The following FSTL4 variants were observed in gnomAD, a reference collection of about 807,000 sequenced individuals.
The protein encoded by FSTL4 is follistatin like 4.
FSTL4 carries 28 observed loss-of-function variants against 78.2 expected under a neutral mutation model. The ratio of observed to expected loss-of-function variants is 0.36; its 90% CI spans 0.27 to 0.49. The LOEUF (loss-of-function observed/expected upper bound fraction) is 0.49, where lower values mean the gene tolerates loss of function less well. Among genes scored for constraint, FSTL4 ranks in the 20% least tolerant of loss-of-function variants. The pLI is 0.98. For missense variants in FSTL4, 922 were observed against 1,084.9 expected (o/e 0.85, Z 2.11); for synonymous variants, 422 against 440.5 (o/e 0.96, Z 0.53).
chr5:133,539,949 G>GTTTTTTTTTT (rs10623473), intron 3 of FSTL4, among the ~76,000 whole-genome samples: 1 of 147,190 alleles, frequency 6.8e-6, no homozygotes, highest in Non-Finnish European at 1.5e-5. Flanking sequence ...TTCTGTGAAG[G>GTTTTTTTTTT]TTTTTTTTTT....
chr5:133,325,131 G>C (rs1330678016), intron 4 of FSTL4, among the ~76,000 whole-genome samples: 1 of 152,252 alleles, frequency 6.6e-6, no homozygotes, highest in Non-Finnish European at 1.5e-5. Context: ...GGTCAGGAGA[G>C]CCGTGGATCA....
chr5:133,418,085 G>C (rs1291452978), intron 3 of FSTL4, among the ~76,000 whole-genome samples: 2 of 150,356 alleles, frequency 1.3e-5, no homozygotes, highest in African/African-American at 4.9e-5. Context: ...GTACCAAAAG[G>C]AAGCACAAAC....
intron 7 of FSTL4, among the ~76,000 whole-genome samples, chr5:133,235,760 C>A (rs1355070474): frequency 6.6e-6 from 1 of 152,146 alleles, no homozygotes; most frequent in Non-Finnish European, 1.5e-5. Context: ...TCTGCGGAAG[C>A]CTCCATGATA....
At chr5:133,822,072 A>T in the FSTL4 span, among the ~76,000 whole-genome samples, 2 of 152,222 alleles carry the variant, frequency 1.3e-5, no homozygotes, top group African/African-American at 4.8e-5. Context: ...CATTGCAAGA[A>T]CAAAGAGAAA....
intron 7 of FSTL4, among the ~76,000 whole-genome samples, chr5:133,242,180 A>T (rs1197556143): frequency 6.6e-6 from 1 of 152,202 alleles, no homozygotes; most frequent in Non-Finnish European, 1.5e-5. Context: ...ACAAAACCTG[A>T]AACAGCTGCA....
At chr5:133,424,387 AACCC>A (rs1256852729) in intron 3 of FSTL4, among the ~76,000 whole-genome samples, 1 of 152,176 alleles carries the variant, frequency 6.6e-6, no homozygotes, top group Non-Finnish European at 1.5e-5. Context: ...AGAGAGACAC[AACCC>A]GAGGGGACTG....
At chr5:133,399,679 G>A (rs2126970258) in intron 4 of FSTL4, among the ~76,000 whole-genome samples, 1 of 152,332 alleles carries the variant, frequency 6.6e-6, no homozygotes, top group Admixed American at 6.5e-5. Context: ...TTACAGCCTG[G>A]ACTGCTCTCA....
chr5:133,571,336 G>A (rs1760150088), intron 2 of FSTL4, among the ~76,000 whole-genome samples: 1 of 152,140 alleles, frequency 6.6e-6, no homozygotes, highest in African/African-American at 2.4e-5. Flanking sequence ...TCTATAAAGT[G>A]ATCCACAGGC....
chr5:133,556,070 G>A (rs1454310638), intron 3 of FSTL4, among the ~76,000 whole-genome samples: 1 of 152,062 alleles, frequency 6.6e-6, no homozygotes, highest in Non-Finnish European at 1.5e-5. Context: ...GAGGTCCCAG[G>A]ACCTCTGACT....
At chr5:133,279,169 A>G (rs1228398469) in intron 6 of FSTL4, among the ~76,000 whole-genome samples, 1 of 152,178 alleles carries the variant, frequency 6.6e-6, no homozygotes, top group Non-Finnish European at 1.5e-5. Flanking sequence ...CCCAATCTCT[A>G]GGCCGTGGAT....
chr5:133,693,445 T>C, the FSTL4 span, among the ~76,000 whole-genome samples: 1 of 152,170 alleles, frequency 6.6e-6, no homozygotes, highest in African/African-American at 2.4e-5. Flanking sequence ...CTGAGGAAAA[T>C]TGTACTCTGT....
chr5:133,652,747 T>A, the FSTL4 span, among the ~76,000 whole-genome samples: 1 of 152,286 alleles, frequency 6.6e-6, no homozygotes, highest in African/African-American at 2.4e-5. Context: ...ACTGACTTTT[T>A]AAAATCAGAA....
the FSTL4 span, among the ~76,000 whole-genome samples, chr5:133,696,241 G>T: frequency 2.0e-5 from 3 of 152,202 alleles, no homozygotes; most frequent in African/African-American, 7.2e-5. Context: ...CTCACTCCTG[G>T]TTTTCAGGGC....
the FSTL4 span, among the ~76,000 whole-genome samples, chr5:133,714,693 A>G: frequency 6.6e-6 from 1 of 152,200 alleles, no homozygotes; most frequent in African/African-American, 2.4e-5. Flanking sequence ...CTCTCCCAGA[A>G]CACCATATGC....
chr5:133,534,942 T>C (rs929420659), intron 3 of FSTL4, among the ~76,000 whole-genome samples: 20 of 152,230 alleles, frequency 1.3e-4, no homozygotes, highest in Non-Finnish European at 2.1e-4. Context: ...TGCTATGAAC[T>C]GAATTGTGCC....
At chr5:133,573,209 A>T (rs1407629579) in intron 2 of FSTL4, among the ~76,000 whole-genome samples, 1 of 151,916 alleles carries the variant, frequency 6.6e-6, no homozygotes, top group Non-Finnish European at 1.5e-5. Flanking sequence ...GCGCCACTGC[A>T]CTCCAGCCTG....
chr5:133,205,227 G>A (rs1750458892), intron 14 of FSTL4, among the ~76,000 whole-genome samples: 1 of 152,132 alleles, frequency 6.6e-6, no homozygotes, highest in Non-Finnish European at 1.5e-5. Flanking sequence ...TGTCTTTTCA[G>A]TATTTATTGA....
At chr5:133,812,794 G>A in the FSTL4 span, among the ~76,000 whole-genome samples, 406 of 152,244 alleles carry the variant, frequency 2.7e-3, 2 homozygotes, top group African/African-American at 9.2e-3. Flanking sequence ...TACCTGCCTC[G>A]TCCACCACTG....
the FSTL4 span, among the ~76,000 whole-genome samples, chr5:133,781,902 A>G: frequency 6.6e-6 from 1 of 152,380 alleles, no homozygotes; most frequent in African/African-American, 2.4e-5. Flanking sequence ...AAAATATTTA[A>G]TAACCATTCA....
Sources: gnomAD v4.1 joint callset for allele counts (sites outside exome capture counted in the v4.1 genomes callset) on GRCh38, gnomAD v4.1.1 for gene constraint, MANE v1.5 for transcripts, NCBI Gene and HGNC (gene_info 2026-07-23, HGNC 2026-07-21) for gene names.